The following DOCK3 variants were observed in gnomAD, a reference collection of about 807,000 sequenced individuals.
DOCK3 encodes the protein dedicator of cytokinesis protein 3.
Under a neutral mutation model 265.6 loss-of-function variants are expected in DOCK3, and 60 were observed. The observed-to-expected ratio is 0.23, with a 90% CI of 0.18 to 0.28. DOCK3 has a LOEUF of 0.28. Ranked by LOEUF, DOCK3 falls within the 10% of genes least tolerant of loss-of-function variation. The pLI, the probability that DOCK3 is intolerant of heterozygous loss-of-function variation, is 1.00. For synonymous variants in DOCK3, 881 were observed against 938.0 expected (o/e 0.94, Z 1.11); for missense variants, 1,981 against 2,594.3 (o/e 0.76, Z 5.14).
intron 2 of DOCK3, among the ~76,000 whole-genome samples, chr3:50,807,994 C>G (rs767567460): frequency 6.6e-6 from 1 of 152,176 alleles, no homozygotes; most frequent in Non-Finnish European, 1.5e-5. Context: ...ACCTCAGTCT[C>G]CCAGAGTGCT....
chr3:51,197,924 A>G lies in DOCK3; in HGVS notation c.1038-10850A>G, dbSNP rs369263976. Among the ~76,000 whole-genome samples, 13 of 152,290 alleles carry G rather than the reference A, an allele frequency of 8.5e-5. No homozygotes were observed. In the East Asian group the frequency reaches 9.7e-4, roughly 11 times the overall value. The stretch of plus-strand genomic sequence containing the variant: ...CCCACCCAACTGGTGATCAAGTCCC[A>G]GTGGCAAATTTTACCCCACTTGCAT... On this transcript the variant is annotated intron_variant, in intron 12 of 52. Transcript: ENST00000266037.
intron 5 of DOCK3, among the ~76,000 whole-genome samples, chr3:51,018,066 A>G (rs1481945095): frequency 6.6e-6 from 1 of 151,196 alleles, no homozygotes; most frequent in Non-Finnish European, 1.5e-5. Flanking sequence ...TCATTTTTGT[A>G]TTTTGAGTAG....
In DOCK3 at chr3:50,787,821, T is replaced by G. The variant is rs1394734864; in HGVS notation, c.121+9063T>G. Reference sequence around the variant, plus strand: ...TATCTGTGGCCCCTTCCTCTCTCTCTTCCTCCTCATTGTTTAAGAACAGGA... The same window carrying G: ...TATCTGTGGCCCCTTCCTCTCTCTCGTCCTCCTCATTGTTTAAGAACAGGA... On this transcript the variant is annotated intron_variant, in intron 2 of 52. Transcript: ENST00000266037. 9.9e-6 allele frequency: 11 copies of G among 1,108,572 alleles called. No homozygotes were observed. The Admixed American group carries it at 1.9e-4, about 20-fold the overall frequency. 68.7% of individuals were successfully genotyped at this position (1,108,572 alleles called of 1,614,324 possible).
chr3:50,987,697 G>A (rs1270727176), intron 5 of DOCK3, among the ~76,000 whole-genome samples: 2 of 152,142 alleles, frequency 1.3e-5, no homozygotes, highest in African/African-American at 4.8e-5. Context: ...CATGGAGAAC[G>A]AAGAAAAGGC....
At chr3:51,131,497 G>T (rs1479348621) in intron 9 of DOCK3, among the ~76,000 whole-genome samples, 1 of 152,112 alleles carries the variant, frequency 6.6e-6, no homozygotes, top group East Asian at 1.9e-4. Context: ...CATTCAAGGG[G>T]TTCTAGATCT....
intron 46 of DOCK3, among the ~76,000 whole-genome samples, 199 bp downstream of exon 46, chr3:51,358,276 CCACT>C (rs545144677): frequency 2.6e-5 from 4 of 152,216 alleles, no homozygotes; most frequent in East Asian, 1.9e-4. Context: ...GAGGATCCTC[CCACT>C]CACTCACTCC....
At chr3:51,141,035 T>G (rs137890288) in intron 9 of DOCK3, among the ~76,000 whole-genome samples, 245 of 152,238 alleles carry the variant, frequency 1.6e-3, no homozygotes, top group African/African-American at 5.4e-3. Context: ...TTCTGTGGCT[T>G]GTTTGTTGCT....
chr3:51,276,377 C>T (rs1436142421), intron 25 of DOCK3: 1 of 985,110 alleles, frequency 1.0e-6, no homozygotes, highest in Non-Finnish European at 1.2e-6. Context: ...GGGTGGACAG[C>T]TTATTGCTAA....
intron 10 of DOCK3, among the ~76,000 whole-genome samples, chr3:51,153,566 A>G (rs2085711765): frequency 6.6e-6 from 1 of 152,222 alleles, no homozygotes; most frequent in African/African-American, 2.4e-5. Flanking sequence ...TTGGAAATGC[A>G]GAAATCACCA....
intron 1 of DOCK3, among the ~76,000 whole-genome samples, chr3:50,676,929 G>A (rs918792309): frequency 2.0e-5 from 3 of 152,188 alleles, no homozygotes; most frequent in Non-Finnish European, 2.9e-5. Context: ...TTTTCCCTTA[G>A]TATTTAGACT....
In DOCK3 at chr3:50,910,808, T is replaced by A. The variant is rs555242373; in HGVS notation, c.218+20727T>A. Among the ~76,000 whole-genome samples, 3 of 152,256 alleles carry A rather than the reference T, an allele frequency of 2.0e-5. No homozygotes were observed. The East Asian group carries it at 5.8e-4, about 29-fold the overall frequency. On this transcript the variant is annotated intron_variant, in intron 4 of 52. Coordinates refer to ENST00000266037, the MANE Select transcript of DOCK3 (RefSeq NM_004947.5). ...GTGGTGTAGGCAATGTGAGTCAGTC[T>A]TTCTTATCTCTTCAATGCTTCTTTC...
chr3:51,179,958 A>T (rs1448632185), intron 12 of DOCK3, among the ~76,000 whole-genome samples: 1 of 152,032 alleles, frequency 6.6e-6, no homozygotes, highest in African/African-American at 2.4e-5. Context: ...CTGTAATCCC[A>T]GCACTTTGGG....
chr3:50,738,156 C>CA (rs1344782579), intron 1 of DOCK3, among the ~76,000 whole-genome samples: 1 of 152,110 alleles, frequency 6.6e-6, no homozygotes, highest in Non-Finnish European at 1.5e-5. Context: ...GTGCTTTGGT[C>CA]AGCGGGTGGG....
intron 12 of DOCK3, among the ~76,000 whole-genome samples, chr3:51,168,518 C>T (rs771071513): frequency 2.9e-4 from 44 of 152,330 alleles, no homozygotes; most frequent in Middle Eastern, 6.8e-3. Context: ...ATAAATGACA[C>T]TGGGATAACT....
At chr3:50,794,682 A>G (rs1481561654) in intron 2 of DOCK3, among the ~76,000 whole-genome samples, 1 of 152,178 alleles carries the variant, frequency 6.6e-6, no homozygotes, top group Non-Finnish European at 1.5e-5. Context: ...TTCTTTGTCT[A>G]GCTTGCTACT....
At chr3:50,994,509 T>C (rs1331398287) in intron 5 of DOCK3, among the ~76,000 whole-genome samples, 1 of 152,316 alleles carries the variant, frequency 6.6e-6, no homozygotes, top group Non-Finnish European at 1.5e-5. Flanking sequence ...AGAAAGCCAG[T>C]GGACATTAGT....
At chr3:51,161,093 A>C (rs2086110568) in intron 12 of DOCK3, among the ~76,000 whole-genome samples, 1 of 145,854 alleles carries the variant, frequency 6.9e-6, no homozygotes, top group Non-Finnish European at 1.5e-5. Context: ...AAAAAAAAAA[A>C]CAAAAACACC....
At chr3:51,075,929 G>A (rs145138556) in intron 7 of DOCK3, among the ~76,000 whole-genome samples, 19 of 152,230 alleles carry the variant, frequency 1.2e-4, no homozygotes, top group African/African-American at 4.1e-4. Flanking sequence ...TAGATGCAAA[G>A]TAAATAAATG....
intron 9 of DOCK3, among the ~76,000 whole-genome samples, chr3:51,135,740 G>A (rs988626425): frequency 6.6e-5 from 10 of 151,694 alleles, no homozygotes; most frequent in African/African-American, 2.4e-4. Flanking sequence ...TTTTTTTGGA[G>A]ACAGGGTCTC....
Sources: allele counts gnomAD v4.1 joint callset (sites outside exome capture counted in the v4.1 genomes callset), GRCh38; gene constraint gnomAD v4.1.1; transcripts MANE v1.5; gene names NCBI Gene and HGNC (gene_info 2026-07-23, HGNC 2026-07-21).